Variants in LAMC1 observed in about 807,000 individuals in gnomAD.
The protein encoded by LAMC1 is laminin subunit gamma 1.
LAMC1 carries 38 observed loss-of-function variants against 173.6 expected under a neutral mutation model. The ratio of observed to expected loss-of-function variants is 0.22; its 90% CI spans 0.17 to 0.29. The LOEUF is 0.29. LAMC1 is among the 10% of genes least tolerant of loss of function. The pLI, the probability that LAMC1 is intolerant of heterozygous loss-of-function variation, is 1.00. For missense variants in LAMC1, 1,824 were observed against 2,051.8 expected, an observed-to-expected ratio of 0.89 and a Z score of 2.14; for synonymous variants, 746 against 749.1, an observed-to-expected ratio of 1.00 and a Z score of 0.07.
Position 183,104,155 on chromosome 1 carries a change from AT to A in LAMC1, c.723+525del, listed in dbSNP as rs1398162359. ...GATTTGTCTGGCACGATTGCTGATC[AT>A]TAAAGAAACTCCTCATCACCTAAAA... On this transcript the variant is annotated intron_variant, in intron 2 of 27. Coordinates refer to ENST00000258341, the MANE Select transcript of LAMC1 (RefSeq NM_002293.4). Among the ~76,000 whole-genome samples, 3 of 152,234 alleles carry A rather than the reference AT, an allele frequency of 2.0e-5. No homozygotes were observed. In the East Asian group the frequency reaches 5.8e-4, roughly 29 times the overall value.
chr1:183,122,372 C>T (rs1571455563), intron 13 of LAMC1, 121 bp downstream of exon 13: 1 of 905,408 alleles, frequency 1.1e-6, no homozygotes, highest in Non-Finnish European at 1.7e-6. Context: ...TATGGTTTTC[C>T]TAATAGGAAG....
chr1:183,136,635 C>T lies in LAMC1; in HGVS notation c.4314+50C>T, dbSNP rs141723674. The stretch of plus-strand genomic sequence containing the variant: ...GTCCCTGCCCATATCTTTCTCTGGT[C>T]ACTTTCCAGTTTCTTTCCAGACCCT... On this transcript the variant is annotated intron_variant, in intron 25 of 27. Transcript: ENST00000258341. 0.028 allele frequency: 41,863 copies of T among 1,474,176 alleles called. 732 individuals are homozygous for T. The highest frequency in any genetic ancestry group is 0.031 in the Non-Finnish European group (33,560 of 1,084,440). 91.3% of individuals were successfully genotyped at this position (1,474,176 alleles called of 1,614,324 possible).
At chr1:183,114,927 A>G (rs1055305099) in intron 5 of LAMC1, among the ~76,000 whole-genome samples, 1 of 152,178 alleles carries the variant, frequency 6.6e-6, no homozygotes. Context: ...GGTGTGTAAG[A>G]GGGGGGTGGT....
chr1:183,061,224 C>G (rs12037601), intron 1 of LAMC1, among the ~76,000 whole-genome samples: 1 of 152,234 alleles, frequency 6.6e-6, no homozygotes, highest in East Asian at 1.9e-4. Flanking sequence ...CCCCATACTC[C>G]CTTCAAAAAT....
chr1:183,060,213 A>G (rs1038217033), intron 1 of LAMC1, among the ~76,000 whole-genome samples: 6 of 151,950 alleles, frequency 3.9e-5, no homozygotes, highest in Admixed American at 2.6e-4. Context: ...GCTCCTTGCA[A>G]TCCATTTGTG....
rs2296294 is a variant in LAMC1 at position 183,126,461 on chromosome 1, T to C, written c.2944+199T>C. Among the ~76,000 whole-genome samples, 78,838 of 152,154 alleles carry C rather than the reference T, an allele frequency of 0.52. 21,121 individuals carry two copies. The highest frequency in any genetic ancestry group is 0.65 in the South Asian group (3,139 of 4,826). ...AGATCAAAGCCTTCTCTGGTTTCTT[T>C]GTATGTTTTCTTTTACAACGTTTCT... On this transcript the variant is annotated intron_variant, in intron 16 of 27. Transcript: ENST00000258341.
rs553238952 is a variant in LAMC1 at position 183,068,081 on chromosome 1, A to G, written c.419-35247A>G. On this transcript the variant is annotated intron_variant, in intron 1 of 27. Coordinates refer to ENST00000258341, the MANE Select transcript of LAMC1 (RefSeq NM_002293.4). ...GGGCCTGTTTCCTAGTGAGTGACCT[A>G]CTGAGGCTTAGGGGCTAGATCAAAA... is the stretch of plus-strand genomic sequence containing the variant. 2.6e-5 allele frequency among the ~76,000 whole-genome samples: 4 copies of G among 152,314 alleles called. No homozygotes were observed. In the East Asian group the frequency reaches 7.7e-4, roughly 29 times the overall value.
At chr1:183,112,718 G>A (rs1439155467) in intron 4 of LAMC1, among the ~76,000 whole-genome samples, 1 of 152,056 alleles carries the variant, frequency 6.6e-6, no homozygotes, top group African/African-American at 2.4e-5. Flanking sequence ...GTGGATTGAG[G>A]GATAAGCTAG....
chr1:183,051,523 T>C (rs1654427650), intron 1 of LAMC1, among the ~76,000 whole-genome samples: 1 of 152,120 alleles, frequency 6.6e-6, no homozygotes, highest in African/African-American at 2.4e-5. Flanking sequence ...CTCAAAATCA[T>C]GAGATAAAAA....
At chr1:183,084,495 TC>T (rs773486818) in intron 1 of LAMC1, among the ~76,000 whole-genome samples, 1 of 152,170 alleles carries the variant, frequency 6.6e-6, no homozygotes, top group Non-Finnish European at 1.5e-5. Flanking sequence ...AGATTACATA[TC>T]CCAAATAAGT....
chr1:183,086,998 T>C (rs549386625), intron 1 of LAMC1, among the ~76,000 whole-genome samples: 1 of 152,340 alleles, frequency 6.6e-6, no homozygotes, highest in South Asian at 2.1e-4. Flanking sequence ...GTTCATCTTG[T>C]ATAAACTCTT....
At chr1:183,125,014 C>G in intron 14 of LAMC1, 138 bp downstream of exon 14, 5 of 1,128,822 alleles carry the variant, frequency 4.4e-6, no homozygotes, top group Non-Finnish European at 6.2e-6. Flanking sequence ...TTAAAATTTT[C>G]TAGTCACCAC....
chr1:183,086,255 TATA>T (rs1655424233), intron 1 of LAMC1, among the ~76,000 whole-genome samples: 1 of 152,202 alleles, frequency 6.6e-6, no homozygotes. Flanking sequence ...GCGTTGCGAT[TATA>T]ATCCTCCTAC....
chr1:183,122,977 C>T (rs777753708), intron 13 of LAMC1, among the ~76,000 whole-genome samples: 4 of 152,184 alleles, frequency 2.6e-5, no homozygotes, highest in Admixed American at 1.3e-4. Flanking sequence ...TTTCCTTACA[C>T]TCCGTGCTGA....
Position 183,023,644 on chromosome 1 carries a change from G to C in LAMC1, c.-73G>C, listed in dbSNP as rs1653595954. The stretch of plus-strand genomic sequence containing the variant: ...AGGCTCAAGCAGCGAAGCGGCCTCC[G>C]GGGGACGCCGCTAGGCGAGAGGAAC... On this transcript the variant is annotated 5_prime_UTR_variant, in exon 1 of 28. Transcript: ENST00000258341. 10 of 1,098,476 alleles carry C rather than the reference G, an allele frequency of 9.1e-6. No homozygotes were observed. The highest frequency in any genetic ancestry group is 3.3e-5 in the African/African-American group (2 of 60,294). The allele number at this position is 1,098,476 out of a possible 1,614,324, so 68.0% of individuals were successfully genotyped here.
rs572420228 is a variant in LAMC1 at position 183,084,470 on chromosome 1, G to A, written c.419-18858G>A. Among the ~76,000 whole-genome samples the A allele has an allele frequency of 4.6e-5, 7 of 152,008 alleles. 1 individual carries two copies. The highest frequency in any genetic ancestry group is 2.1e-4 in the South Asian group (1 of 4,812). ...TCTCTTAAGAAAAGCAAAAGAAAAC[G>A]AAACAAAACACTTTAGATTACATAT... On this transcript the variant is annotated intron_variant, in intron 1 of 27. Coordinates refer to ENST00000258341, the MANE Select transcript of LAMC1 (RefSeq NM_002293.4).
chr1:183,117,028 A>T (rs1360636751), intron 8 of LAMC1, 125 bp downstream of exon 8: 1 of 1,007,220 alleles, frequency 9.9e-7, no homozygotes, highest in African/African-American at 1.6e-5. Context: ...ATTATTTAGC[A>T]TGCATAGTTT....
Position 183,126,116 on chromosome 1 carries a change from T to G in LAMC1, c.2802-4T>G, listed in dbSNP as rs1236377738. 6.2e-7 allele frequency: 1 copy of G among 1,612,274 alleles called. No homozygotes were observed. The highest frequency in any genetic ancestry group is 8.5e-7 in the Non-Finnish European group (1 of 1,179,534). On this transcript the variant is annotated splice_polypyrimidine_tract_variant and splice_region_variant and intron_variant, in intron 15 of 27. Transcript: ENST00000258341. ...CCTGAGAAATGTCCTGTGTTCATTT[T>G]CAGGTGTGACTGCCATGCCTTGGGC...
chr1:183,053,204 C>T lies in LAMC1; in HGVS notation c.418+29070C>T, dbSNP rs184950278. The stretch of plus-strand genomic sequence containing the variant: ...AAAGTTTGCTGAAAAACTTGGTTTC[C>T]GTGTCCATATTTAATAGATCATATT... On this transcript the variant is annotated intron_variant, in intron 1 of 27. Transcript: ENST00000258341. Among the ~76,000 whole-genome samples, 641 of 152,242 alleles carry T rather than the reference C, an allele frequency of 4.2e-3. 3 individuals are homozygous for T. Among genetic ancestry groups the T allele is most frequent in the Middle Eastern group, 0.014 (4 of 294 alleles).
Sources: allele counts gnomAD v4.1 joint callset (sites outside exome capture counted in the v4.1 genomes callset), GRCh38; gene constraint gnomAD v4.1.1; transcripts MANE v1.5; gene names NCBI Gene and HGNC (gene_info 2026-07-23, HGNC 2026-07-21).